The following KIF26B variants were observed in gnomAD, a reference collection of about 807,000 sequenced individuals.
KIF26B encodes the protein kinesin family member 26B.
A neutral mutation model predicts 151.2 loss-of-function variants in KIF26B; 63 were observed. That is an observed-to-expected ratio of 0.42 (90% CI 0.34 to 0.51). KIF26B has a LOEUF of 0.51. KIF26B is among the 20% of genes least tolerant of loss of function. KIF26B has a pLI of 0.07. For missense variants in KIF26B, 2,813 were observed against 2,913.6 expected (o/e 0.97, Z 0.79); for synonymous variants, 1,357 against 1,262.1 (o/e 1.08, Z -1.59).
intron 9 of KIF26B, among the ~76,000 whole-genome samples, chr1:245,617,180 C>T (rs2043599947): frequency 6.6e-6 from 1 of 152,206 alleles, no homozygotes; most frequent in Admixed American, 6.5e-5. Flanking sequence ...ACTTCAACTT[C>T]CACCTCCTGG....
At chr1:245,337,232 T>C (rs1672252734) in intron 2 of KIF26B, among the ~76,000 whole-genome samples, 1 of 152,006 alleles carries the variant, frequency 6.6e-6, no homozygotes, top group Non-Finnish European at 1.5e-5. Context: ...AGTACAGTAG[T>C]GTGATCTCGG....
chr1:245,534,000 A>T (rs529598004), intron 4 of KIF26B, among the ~76,000 whole-genome samples: 3 of 152,234 alleles, frequency 2.0e-5, no homozygotes, highest in African/African-American at 7.2e-5. Context: ...AGATATTGTC[A>T]TATTGATGCA....
chr1:245,362,361 T>C (rs1672841627), intron 2 of KIF26B, among the ~76,000 whole-genome samples: 1 of 126,158 alleles, frequency 7.9e-6, no homozygotes, highest in Admixed American at 8.2e-5. Context: ...ACCCCGTCTC[T>C]ACTAAAAAAA....
intron 2 of KIF26B, among the ~76,000 whole-genome samples, chr1:245,267,244 GT>G (rs1274079616): frequency 2.6e-5 from 4 of 152,214 alleles, no homozygotes; most frequent in African/African-American, 9.6e-5. Flanking sequence ...AAAGTCAGCT[GT>G]GGTATCAACA....
chr1:245,247,913 G>C (rs919238773), intron 2 of KIF26B, among the ~76,000 whole-genome samples: 1 of 152,204 alleles, frequency 6.6e-6, no homozygotes, highest in African/African-American at 2.4e-5. Context: ...CTGCAGGGAA[G>C]TGTTGCAGCA....
Position 245,448,547 on chromosome 1 carries a change from T to G in KIF26B, c.1166+28802T>G, listed in dbSNP as rs185816433. 2.4e-3 allele frequency among the ~76,000 whole-genome samples: 358 copies of G among 152,286 alleles called. 3 individuals carry two copies. Among genetic ancestry groups the G allele is most frequent in the Middle Eastern group, 0.01 (3 of 294 alleles). On this transcript the variant is annotated intron_variant, in intron 4 of 14. Transcript: ENST00000407071. ...TTTTTAACTTACCCAGTCCAAGGTATTTTGTTATAGCAGCAGGACTGGACT... is the reference window on the plus strand; with the variant it reads ...TTTTTAACTTACCCAGTCCAAGGTAGTTTGTTATAGCAGCAGGACTGGACT...
intron 2 of KIF26B, among the ~76,000 whole-genome samples, chr1:245,290,245 C>A (rs571296832): frequency 1.3e-5 from 2 of 152,304 alleles, no homozygotes; most frequent in African/African-American, 4.8e-5. Flanking sequence ...ATACCTTACT[C>A]ATGTCTGCAT....
intron 2 of KIF26B, among the ~76,000 whole-genome samples, chr1:245,289,821 C>T (rs74153173): frequency 0.02 from 3,026 of 152,172 alleles, 109 homozygotes; most frequent in African/African-American, 0.067. Context: ...ACATGTTATC[C>T]TCCTTTTGCC....
chr1:245,285,308 G>A (rs1368221298), intron 2 of KIF26B, among the ~76,000 whole-genome samples: 1 of 152,168 alleles, frequency 6.6e-6, no homozygotes, highest in Non-Finnish European at 1.5e-5. Flanking sequence ...TAGACCTGAT[G>A]CACTTCCTTT....
intron 2 of KIF26B, among the ~76,000 whole-genome samples, chr1:245,336,440 C>G (rs191115313): frequency 8.9e-4 from 135 of 152,340 alleles, no homozygotes; most frequent in African/African-American, 3.2e-3. Flanking sequence ...CGTGGTGGAT[C>G]TGGCCACTTG....
chr1:245,513,385 A>G (rs975358191), intron 4 of KIF26B, among the ~76,000 whole-genome samples: 1 of 152,164 alleles, frequency 6.6e-6, no homozygotes, highest in African/African-American at 2.4e-5. Context: ...AAAAAATACT[A>G]GAGTCAAGGT....
chr1:245,298,329 C>T (rs575642016), intron 2 of KIF26B, among the ~76,000 whole-genome samples: 2 of 152,228 alleles, frequency 1.3e-5, no homozygotes, highest in South Asian at 2.1e-4. Context: ...TATTCTTCAG[C>T]GTGGAGAAAG....
At chr1:245,315,541 G>A (rs370450624) in intron 2 of KIF26B, among the ~76,000 whole-genome samples, 80 of 152,130 alleles carry the variant, frequency 5.3e-4, no homozygotes, top group African/African-American at 1.9e-3. Context: ...GGCCAATGTG[G>A]TGAAACCCCG....
chr1:245,682,855 C>T (rs1018168014), intron 10 of KIF26B, among the ~76,000 whole-genome samples: 4 of 152,198 alleles, frequency 2.6e-5, no homozygotes, highest in African/African-American at 4.8e-5. Flanking sequence ...TGCGGCTGTC[C>T]GTGGGTTTCT....
At chr1:245,175,960 CTATA>C (rs922911492) in intron 2 of KIF26B, among the ~76,000 whole-genome samples, 1 of 119,622 alleles carries the variant, frequency 8.4e-6, no homozygotes, top group East Asian at 2.2e-4. Context: ...ATATCTATAT[CTATA>C]TATATAGACA....
chr1:245,254,022 G>C (rs1001307616), intron 2 of KIF26B, among the ~76,000 whole-genome samples: 14 of 151,906 alleles, frequency 9.2e-5, no homozygotes, highest in Admixed American at 2.0e-4. Context: ...GTGTTAGCCA[G>C]GATGGTCTCG....
intron 4 of KIF26B, among the ~76,000 whole-genome samples, chr1:245,445,504 A>T (rs1385213100): frequency 6.6e-6 from 1 of 152,210 alleles, no homozygotes; most frequent in Non-Finnish European, 1.5e-5. Flanking sequence ...GTATGCATGC[A>T]TGTGCGCACG....
intron 4 of KIF26B, among the ~76,000 whole-genome samples, chr1:245,475,193 T>A (rs1660008339): frequency 1.3e-5 from 2 of 151,754 alleles, no homozygotes. Context: ...ATCTGCTGGG[T>A]TTTGTGGAGA....
intron 4 of KIF26B, among the ~76,000 whole-genome samples, chr1:245,462,490 C>T (rs757618866): frequency 6.6e-6 from 1 of 152,126 alleles, no homozygotes; most frequent in Non-Finnish European, 1.5e-5. Flanking sequence ...AAATCAAAGC[C>T]AGAAATAGGT....
Sources: allele counts gnomAD v4.1 joint callset (sites outside exome capture counted in the v4.1 genomes callset), GRCh38; gene constraint gnomAD v4.1.1; transcripts MANE v1.5; gene names NCBI Gene and HGNC (gene_info 2026-07-23, HGNC 2026-07-21).